The following SLC6A5 variants were observed in gnomAD, a reference collection of about 807,000 sequenced individuals.
SLC6A5 encodes the protein solute carrier family 6 member 5.
SLC6A5 carries 58 observed loss-of-function variants against 90.5 expected under a neutral mutation model. The ratio of observed to expected loss-of-function variants is 0.64; its 90% CI spans 0.52 to 0.80. The LOEUF is 0.80. Ranked by LOEUF, SLC6A5 falls within the 30% of genes least tolerant of loss-of-function variation. The pLI is 0.00. For synonymous variants in SLC6A5, 427 were observed against 401.4 expected (o/e 1.06, Z -0.76); for missense variants, 1,015 against 1,017.6 (o/e 1.00, Z 0.03).
At chr11:20,641,361 G>C (rs1200824957) in intron 13 of SLC6A5, among the ~76,000 whole-genome samples, 2 of 152,090 alleles carry the variant, frequency 1.3e-5, no homozygotes, top group Admixed American at 1.3e-4. Context: ...CCACCTCCCA[G>C]ATGGCCTCTC....
chr11:20,601,685 GC>G lies in SLC6A5; in HGVS notation c.540+23del, dbSNP rs757232125. ...ACCCAGGTAAGCAGGTTGCATTACGGCCCGCACAGTGTCCTGCTCTCCAGCT... is the reference window on the plus strand; with the variant it reads ...ACCCAGGTAAGCAGGTTGCATTACGGCCGCACAGTGTCCTGCTCTCCAGCT... On this transcript the variant is annotated intron_variant, in intron 2 of 15. Transcript: ENST00000525748. 3.7e-6 allele frequency: 6 copies of G among 1,609,252 alleles called. No individual in the cohort carries two copies. In the East Asian group the frequency reaches 1.3e-4, roughly 36 times the overall value.
chr11:20,637,024 G>A (rs927758815), intron 11 of SLC6A5, 148 bp from the exon 12 acceptor site: 2 of 802,048 alleles, frequency 2.5e-6, no homozygotes, highest in East Asian at 5.0e-5. Flanking sequence ...ACCCCAAGGA[G>A]GCTTTTTAGA....
rs562559003 is a variant in SLC6A5, at chr11:20,613,203, A to G, written c.986-1476A>G. ...TGCCCCAGTTTTCCTTATCTGTAACATAGAGATAATAACAGTACCTTCTCA... is the reference window on the plus strand; with the variant it reads ...TGCCCCAGTTTTCCTTATCTGTAACGTAGAGATAATAACAGTACCTTCTCA... On this transcript the variant is annotated intron_variant, in intron 5 of 15. Coordinates refer to ENST00000525748, the MANE Select transcript of SLC6A5 (RefSeq NM_004211.5). Among the ~76,000 whole-genome samples the G allele has an allele frequency of 2.6e-5, 4 of 152,328 alleles. No homozygotes were observed. In the South Asian group the frequency reaches 6.2e-4, roughly 24 times the overall value.
intron 13 of SLC6A5, among the ~76,000 whole-genome samples, chr11:20,645,661 T>TA (rs1853399893): frequency 7.8e-6 from 1 of 127,996 alleles, no homozygotes; most frequent in East Asian, 2.3e-4. Context: ...TTTTTTGAGA[T>TA]AGAGTCTTGC....
intron 14 of SLC6A5, among the ~76,000 whole-genome samples, chr11:20,650,212 C>CT (rs1853498453): frequency 1.3e-5 from 2 of 152,150 alleles, no homozygotes; most frequent in African/African-American, 2.4e-5. Context: ...GCTGATGTTG[C>CT]TACAGGCAGG....
rs1808068227 is a variant in SLC6A5, at chr11:20,658,311, G to A, written c.*3443G>A. ...CCCAGAGGCTAGCACAATAACTGTTGCTCAATGTAAGATGAGATGGCAAGA... is the reference window on the plus strand; with the variant it reads ...CCCAGAGGCTAGCACAATAACTGTTACTCAATGTAAGATGAGATGGCAAGA... On this transcript the variant is annotated 3_prime_UTR_variant, in exon 16 of 16. Coordinates refer to ENST00000525748, the MANE Select transcript of SLC6A5 (RefSeq NM_004211.5). The A allele has an allele frequency of 6.6e-6, 1 of 152,134 alleles. No homozygotes were observed. The highest frequency in any genetic ancestry group is 2.4e-5 in the African/African-American group (1 of 41,420). 9.4% of individuals were successfully genotyped at this position (152,134 alleles called of 1,614,324 possible). A position where few individuals can be genotyped will look rare whatever the true frequency, so the allele number is the denominator to read the frequency against.
chr11:20,622,569 C>T (rs905984812), intron 7 of SLC6A5, among the ~76,000 whole-genome samples: 5 of 152,146 alleles, frequency 3.3e-5, no homozygotes, highest in Admixed American at 1.3e-4. Flanking sequence ...AGACCTTGAA[C>T]GAGATATTTA....
chr11:20,634,060 C>CG (rs1853158179), intron 10 of SLC6A5, among the ~76,000 whole-genome samples: 4 of 152,154 alleles, frequency 2.6e-5, no homozygotes, highest in Admixed American at 2.6e-4. Context: ...TTAGTAGAGA[C>CG]GGGGTTTCAC....
chr11:20,655,920 GT>G lies in SLC6A5; in HGVS notation c.*1055del, dbSNP rs1176919143. The G allele has an allele frequency of 4.6e-5, 7 of 152,190 alleles. No individual in the cohort carries two copies. Among genetic ancestry groups the G allele is most frequent in the Non-Finnish European group, 8.8e-5 (6 of 68,038 alleles). The allele number at this position is 152,190 out of a possible 1,614,324, so 9.4% of individuals were successfully genotyped here. ...CATAGAGAAATCAAAGAAATGGAGAGTTTAATAGAAAGCAACCACAATATTC... is the reference window on the plus strand; with the variant it reads ...CATAGAGAAATCAAAGAAATGGAGAGTTAATAGAAAGCAACCACAATATTC... On this transcript the variant is annotated 3_prime_UTR_variant, in exon 16 of 16. Transcript: ENST00000525748.
At chr11:20,615,703 A>G (rs948961689) in intron 6 of SLC6A5, among the ~76,000 whole-genome samples, 5 of 152,158 alleles carry the variant, frequency 3.3e-5, no homozygotes, top group Non-Finnish European at 7.3e-5. Flanking sequence ...ATGTAGACAG[A>G]GTTCATCATA....
chr11:20,627,474 G>T (rs1196993696), intron 8 of SLC6A5, among the ~76,000 whole-genome samples: 2 of 152,216 alleles, frequency 1.3e-5, no homozygotes, highest in Non-Finnish European at 2.9e-5. Flanking sequence ...GCACAAAACA[G>T]AAAGTCTCCA....
intron 13 of SLC6A5, among the ~76,000 whole-genome samples, chr11:20,639,197 T>A (rs528577502): frequency 1.1e-4 from 16 of 152,094 alleles, no homozygotes; most frequent in Non-Finnish European, 2.2e-4. Flanking sequence ...TGTGGAGGTG[T>A]TTGTCCTTGG....
intron 10 of SLC6A5, 125 bp downstream of exon 10, chr11:20,630,940 C>T: frequency 9.1e-7 from 1 of 1,099,260 alleles, no homozygotes; most frequent in East Asian, 2.6e-5. Context: ...GAGCCCAGGT[C>T]CTTCTTTACA....
Position 20,631,074 on chromosome 11 carries a change from C to A in SLC6A5, c.1624+259C>A, listed in dbSNP as rs2276431. ...CTTGCCTCTCCTTCCTCTTACCTTG[C>A]CCCTCTTAATTTAGCTCCAGTCTAT... On this transcript the variant is annotated intron_variant, in intron 10 of 15. Transcript: ENST00000525748. 0.31 allele frequency among the ~76,000 whole-genome samples: 47,363 copies of A among 152,110 alleles called. 7,903 individuals carry two copies. Among genetic ancestry groups the A allele is most frequent in the Middle Eastern group, 0.45 (132 of 294 alleles).
rs1420295427 is a variant in SLC6A5, at chr11:20,657,990, A to G, written c.*3122A>G. The stretch of plus-strand genomic sequence containing the variant: ...TCAATGCAAAATCATGATGACCTCA[A>G]TGTCTTTGAAATTTGCAATGTGTTT... On this transcript the variant is annotated 3_prime_UTR_variant, in exon 16 of 16. Transcript: ENST00000525748. 6.6e-6 allele frequency: 1 copy of G among 152,204 alleles called. No individual in the cohort carries two copies. Among genetic ancestry groups the G allele is most frequent in the African/African-American group, 2.4e-5 (1 of 41,438 alleles). 9.4% of individuals were successfully genotyped at this position (152,204 alleles called of 1,614,324 possible).
At chr11:20,614,618 G>GA in intron 5 of SLC6A5, 61 bp from the exon 6 acceptor site, 1 of 1,524,910 alleles carries the variant, frequency 6.6e-7, no homozygotes, top group South Asian at 1.1e-5. Context: ...GCTGCAGAGA[G>GA]ACAAATCTCT....
intron 3 of SLC6A5, among the ~76,000 whole-genome samples, chr11:20,606,065 G>A (rs6483712): frequency 0.8 from 122,173 of 152,244 alleles, 49,211 homozygotes; most frequent in East Asian, 0.98. Flanking sequence ...CATCTCCAGT[G>A]CCCACCTTGA....
chr11:20,630,933 C>T, intron 10 of SLC6A5, 118 bp downstream of exon 10: 1 of 1,164,256 alleles, frequency 8.6e-7, no homozygotes, highest in Admixed American at 2.0e-5. Context: ...GGTGGAGGAG[C>T]CCAGGTCCTT....
chr11:20,607,284 C>A, intron 4 of SLC6A5, 146 bp downstream of exon 4: 1 of 1,292,046 alleles, frequency 7.7e-7, no homozygotes, highest in Non-Finnish European at 1.1e-6. Flanking sequence ...TGAATAATGG[C>A]CCAAGATCAC....
Sources: gnomAD v4.1 joint callset for allele counts (sites outside exome capture counted in the v4.1 genomes callset) on GRCh38, gnomAD v4.1.1 for gene constraint, MANE v1.5 for transcripts, NCBI Gene and HGNC (gene_info 2026-07-23, HGNC 2026-07-21) for gene names.